The following SIM1 variants were observed in gnomAD, a reference collection of about 807,000 sequenced individuals.
SIM1 encodes single-minded homolog 1.
SIM1 carries 18 observed loss-of-function variants against 78.2 expected under a neutral mutation model. The observed-to-expected ratio is 0.23, with a 90% CI of 0.16 to 0.34. The LOEUF is 0.34. Among genes scored for constraint, SIM1 ranks in the 10% least tolerant of loss-of-function variants. SIM1 has a pLI of 1.00. For synonymous variants in SIM1, 417 were observed against 385.2 expected, an observed-to-expected ratio of 1.08 and a Z score of -0.97; for missense variants, 939 against 975.1, an observed-to-expected ratio of 0.96 and a Z score of 0.49.
intron 9 of SIM1, among the ~76,000 whole-genome samples, chr6:100,436,171 G>T (rs899473353): frequency 6.6e-6 from 1 of 152,114 alleles, no homozygotes; most frequent in Non-Finnish European, 1.5e-5. Context: ...TTCTAATTGT[G>T]AGTGGACGTA....
chr6:100,395,683 A>C (rs1334531199), intron 10 of SIM1, among the ~76,000 whole-genome samples: 4 of 152,192 alleles, frequency 2.6e-5, no homozygotes, highest in African/African-American at 9.6e-5. Flanking sequence ...GCCCATGATG[A>C]GAACTTCATA....
intron 10 of SIM1, among the ~76,000 whole-genome samples, chr6:100,412,763 GAAAA>G (rs1272669696): frequency 2.7e-5 from 4 of 147,846 alleles, no homozygotes; most frequent in African/African-American, 9.9e-5. Flanking sequence ...AAAAAGAAAA[GAAAA>G]AGAAAGGGAG....
chr6:100,393,733 G>C lies in SIM1; in HGVS notation c.1324C>G (p.Arg442Gly), dbSNP rs572023033. The change falls in exon 11 of 12, where the codon CGC (arginine) becomes GGC (glycine). Residue 442 changes from arginine to glycine, a missense_variant. Transcript: ENST00000369208. Reference protein sequence around the residue: ...ASCAYRQFSDRSSLCYGFALD... With the variant: ...ASCAYRQFSDGSSLCYGFALD... ...GCAAAGCCATAGCAGAGAGAGCTGC[G>C]GTCCGAAAACTGTCTGTAGGCGCAC... 6.2e-7 allele frequency: 1 copy of C among 1,614,194 alleles called. No individual in the cohort carries two copies. Among genetic ancestry groups the C allele is most frequent in the Non-Finnish European group, 8.5e-7 (1 of 1,180,030 alleles).
At chr6:100,420,714 T>G in intron 10 of SIM1, 76 bp downstream of exon 10, 1 of 1,392,250 alleles carries the variant, frequency 7.2e-7, no homozygotes, top group African/African-American at 1.4e-5. Context: ...TTCCAAATAG[T>G]TTTAATACTT....
At chr6:100,457,519 C>A (rs1772698426) in intron 2 of SIM1, among the ~76,000 whole-genome samples, 1 of 152,234 alleles carries the variant, frequency 6.6e-6, no homozygotes. Context: ...TCCCATGTAT[C>A]CTGCCGGGCC....
chr6:100,435,003 T>G (rs1772006793), intron 9 of SIM1, among the ~76,000 whole-genome samples: 1 of 152,176 alleles, frequency 6.6e-6, no homozygotes, highest in Non-Finnish European at 1.5e-5. Flanking sequence ...CGTAAAATAT[T>G]AAATGTTCTA....
intron 8 of SIM1, 64 bp downstream of exon 8, chr6:100,448,082 C>A (rs536700850): frequency 1.5e-6 from 2 of 1,338,942 alleles, no homozygotes; most frequent in African/African-American, 1.4e-5. Flanking sequence ...AATCGTGGCT[C>A]CCCCACCCCC....
chr6:100,456,300 G>T (rs1432708472), intron 2 of SIM1, among the ~76,000 whole-genome samples: 1 of 152,170 alleles, frequency 6.6e-6, no homozygotes, highest in Non-Finnish European at 1.5e-5. Flanking sequence ...CCTGCCTTCG[G>T]TGACGCGCTC....
At chr6:100,464,242 G>A (rs1313544534) in intron 1 of SIM1, among the ~76,000 whole-genome samples, 4 of 152,102 alleles carry the variant, frequency 2.6e-5, no homozygotes, top group Non-Finnish European at 5.9e-5. Context: ...GCCCAGGCCG[G>A]GCGCACGTCC....
chr6:100,391,092 C>G lies in SIM1; in HGVS notation c.1571-1G>C. On this transcript the variant is annotated splice_acceptor_variant, in intron 11 of 11. Coordinates refer to ENST00000369208, the MANE Select transcript of SIM1 (RefSeq NM_005068.3). LOFTEE classifies it high-confidence loss of function. ...CTATCTTCATCCCAATGACCTCGCC[C>G]TAAAAATTAGAAAAAGTCAAAAGTA... 5 of 1,563,314 alleles carry G rather than the reference C, an allele frequency of 3.2e-6. No homozygotes were observed. Among genetic ancestry groups the G allele is most frequent in the Non-Finnish European group, 3.5e-6 (4 of 1,158,748 alleles).
chr6:100,448,463 G>A lies in SIM1; in HGVS notation c.743+16C>T, dbSNP rs1460411493. ...CCTCAGGCTAGGAGAGGCCCTTTCCGGCCCTGCCCACCCACCTGGAGTCCA... is the reference window on the plus strand; with the variant it reads ...CCTCAGGCTAGGAGAGGCCCTTTCCAGCCCTGCCCACCCACCTGGAGTCCA... On this transcript the variant is annotated intron_variant, in intron 7 of 11. Transcript: ENST00000369208. 2 of 1,612,150 alleles carry A rather than the reference G, an allele frequency of 1.2e-6. No homozygotes were observed. The highest frequency in any genetic ancestry group is 1.7e-6 in the Non-Finnish European group (2 of 1,179,176).
Position 100,389,772 on chromosome 6 carries a change from C to T in SIM1, c.*589G>A, listed in dbSNP as rs769730169. The T allele has an allele frequency of 7.5e-6, 3 of 398,982 alleles. No homozygotes were observed. The highest frequency in any genetic ancestry group is 4.4e-5 in the Admixed American group (1 of 22,758). The allele number at this position is 398,982 out of a possible 1,614,324, so 24.7% of individuals were successfully genotyped here. A position where few individuals can be genotyped will look rare whatever the true frequency, so the allele number is the denominator to read the frequency against. On this transcript the variant is annotated 3_prime_UTR_variant, in exon 12 of 12. Coordinates refer to ENST00000369208, the MANE Select transcript of SIM1 (RefSeq NM_005068.3). ...TGAAAACTCATTTTTGCACCATATC[C>T]AGAACCATTTCTCTAATTTATGCCT...
intron 2 of SIM1, among the ~76,000 whole-genome samples, chr6:100,459,517 A>G (rs1469456873): frequency 6.6e-6 from 1 of 152,146 alleles, no homozygotes; most frequent in Admixed American, 6.5e-5. Flanking sequence ...GCCTTAAATC[A>G]CCGACCCACG....
chr6:100,446,710 C>T (rs1772364737), intron 9 of SIM1, among the ~76,000 whole-genome samples: 1 of 152,208 alleles, frequency 6.6e-6, no homozygotes, highest in Non-Finnish European at 1.5e-5. Context: ...GCCTGGGCGC[C>T]GGCCAAGACT....
intron 9 of SIM1, among the ~76,000 whole-genome samples, chr6:100,432,121 G>T (rs1357202974): frequency 1.3e-5 from 2 of 152,194 alleles, no homozygotes; most frequent in African/African-American, 4.8e-5. Context: ...ACTCCAGCCT[G>T]GGTGACAGAG....
intron 9 of SIM1, among the ~76,000 whole-genome samples, chr6:100,438,411 G>A (rs571105250): frequency 1.1e-4 from 16 of 152,282 alleles, no homozygotes; most frequent in Non-Finnish European, 2.1e-4. Flanking sequence ...CCCCAGTGAG[G>A]TACCACCTTA....
At chr6:100,447,460 G>C (rs764807386) in intron 8 of SIM1, 45 bp from the exon 9 acceptor site, 1 of 1,611,944 alleles carries the variant, frequency 6.2e-7, no homozygotes, top group Non-Finnish European at 8.5e-7. Context: ...CAGCCTGCCT[G>C]GGACTGGCCC....
chr6:100,408,100 CTA>C lies in SIM1; in HGVS notation c.1167+12688_1167+12689del, dbSNP rs1177170406. Among the ~76,000 whole-genome samples, 4 of 152,068 alleles carry C rather than the reference CTA, an allele frequency of 2.6e-5. No homozygotes were observed. The East Asian group carries it at 7.7e-4, about 29-fold the overall frequency. On this transcript the variant is annotated intron_variant, in intron 10 of 11. Coordinates refer to ENST00000369208, the MANE Select transcript of SIM1 (RefSeq NM_005068.3). ...TTTTCCCTATGTTTTTTTCTAGAAA[CTA>C]TATAGTTTCAGGCCTTACATTTAGG...
intron 10 of SIM1, among the ~76,000 whole-genome samples, chr6:100,403,965 T>C (rs1433994736): frequency 1.3e-5 from 2 of 152,230 alleles, no homozygotes; most frequent in Non-Finnish European, 2.9e-5. Flanking sequence ...ACTCTTACTC[T>C]TTTCACTGTC....
Sources: gnomAD v4.1 joint callset for allele counts (sites outside exome capture counted in the v4.1 genomes callset) on GRCh38, gnomAD v4.1.1 for gene constraint, MANE v1.5 for transcripts, NCBI Gene and HGNC (gene_info 2026-07-23, HGNC 2026-07-21) for gene names.